Variants in KCNQ4 observed in about 807,000 individuals in gnomAD.
KCNQ4 encodes the protein potassium voltage-gated channel subfamily KQT member 4.
KCNQ4 carries 31 observed loss-of-function variants against 72.6 expected under a neutral mutation model. The ratio of observed to expected loss-of-function variants is 0.43; its 90% CI spans 0.32 to 0.58. The LOEUF is 0.58. Ranked by LOEUF, KCNQ4 falls within the 20% of genes least tolerant of loss-of-function variation. KCNQ4 has a pLI of 0.08. For synonymous variants in KCNQ4, 405 were observed against 403.7 expected (o/e 1.00, Z -0.04); for missense variants, 869 against 962.6 (o/e 0.90, Z 1.29).
At chr1:40,803,620 T>A (rs1482932338) in intron 1 of KCNQ4, among the ~76,000 whole-genome samples, 1 of 152,160 alleles carries the variant, frequency 6.6e-6, no homozygotes, top group Non-Finnish European at 1.5e-5. Context: ...CCACCTTAGC[T>A]GTGGGTCAGG....
In KCNQ4 at chr1:40,824,216, C is replaced by T. The variant is rs1242348221; in HGVS notation, c.1250C>T (p.Thr417Ile). The change falls in exon 9 of 14, where the codon ACC (threonine) becomes ATC (isoleucine). Residue 417 changes from threonine to isoleucine, a missense_variant. Thr to Ile is a moderately conservative substitution (Grantham distance 89). This residue lies in a region of KCNQ4 where 480 missense variants were observed against 501.9 expected (regional missense o/e 0.96). Coordinates refer to ENST00000347132, the MANE Select transcript of KCNQ4 (RefSeq NM_004700.4). Reference sequence around the variant, plus strand: ...CCCTCCCGTTACCCGCCCGTTGCCACCTGCCACCGGCCGGGCAGCACCTCC... The same window carrying T: ...CCCTCCCGTTACCCGCCCGTTGCCATCTGCCACCGGCCGGGCAGCACCTCC... ...GAPSRYPPVA[T>I]CHRPGSTSFC... 6.2e-7 allele frequency: 1 copy of T among 1,605,762 alleles called. No homozygotes were observed. Among genetic ancestry groups the T allele is most frequent in the Non-Finnish European group, 8.5e-7 (1 of 1,176,928 alleles).
At chr1:40,810,229 C>A (rs191977754) in intron 1 of KCNQ4, among the ~76,000 whole-genome samples, 1 of 152,182 alleles carries the variant, frequency 6.6e-6, no homozygotes, top group Non-Finnish European at 1.5e-5. Flanking sequence ...GCTGCCTCGA[C>A]GGCCACATTC....
At chr1:40,802,118 G>C (rs1036871786) in intron 1 of KCNQ4, among the ~76,000 whole-genome samples, 2 of 152,080 alleles carry the variant, frequency 1.3e-5, no homozygotes, top group Non-Finnish European at 2.9e-5. Context: ...CTGTATGGTC[G>C]GTGTGTCTTC....
chr1:40,837,762 A>T lies in KCNQ4; in HGVS notation c.1843A>T (p.Met615Leu). The T allele has an allele frequency of 4.3e-6, 7 of 1,611,714 alleles. No homozygotes were observed. The highest frequency in any genetic ancestry group is 5.9e-6 in the Non-Finnish European group (7 of 1,179,146). ...SDAEVVDEIS[M>L]MGRVVKVEKQ... Reference sequence around the variant, plus strand: ...CGCGGAGGTGGTGGATGAAATCAGCATGATGGGACGCGTGGTCAAGGTGGA... The same window carrying T: ...CGCGGAGGTGGTGGATGAAATCAGCTTGATGGGACGCGTGGTCAAGGTGGA... Residue 615 changes from methionine (M) to leucine (L), a missense_variant, in exon 13 of 14, where the codon ATG (methionine) becomes TTG (leucine). Met to Leu is a conservative substitution (Grantham distance 15, BLOSUM62 2). Transcript: ENST00000347132.
rs1647353592 is a variant in KCNQ4, at chr1:40,794,513, C to G, written c.314+10106C>G. ...TCTGTGGTCGAGTCAAGACTCAAAC[C>G]CATGTCGGCATCAGGGCCAAGCCCG... On this transcript the variant is annotated intron_variant, in intron 1 of 13. Coordinates refer to ENST00000347132, the MANE Select transcript of KCNQ4 (RefSeq NM_004700.4). This position sits in a 1 kb window ranked among gnomAD's most constrained non-coding sequence, Gnocchi z 4.2. 6.6e-6 allele frequency among the ~76,000 whole-genome samples: 1 copy of G among 152,210 alleles called. No homozygotes were observed. The highest frequency in any genetic ancestry group is 2.1e-4 in the South Asian group (1 of 4,832).
At chr1:40,819,687 A>G (rs772311542) in intron 5 of KCNQ4, among the ~76,000 whole-genome samples, 188 bp from the exon 6 acceptor site, 3 of 150,938 alleles carry the variant, frequency 2.0e-5, no homozygotes, top group Non-Finnish European at 3.0e-5. Context: ...GCACATCAAG[A>G]CCTTGTGACT....
chr1:40,834,121 G>A (rs1648740773), intron 11 of KCNQ4, among the ~76,000 whole-genome samples: 1 of 148,170 alleles, frequency 6.7e-6, no homozygotes, highest in Non-Finnish European at 1.5e-5. Flanking sequence ...CCCTCCATGT[G>A]CCCAGTGTCA....
chr1:40,829,019 T>G (rs1233228474), intron 9 of KCNQ4, among the ~76,000 whole-genome samples: 4 of 152,244 alleles, frequency 2.6e-5, no homozygotes, highest in Non-Finnish European at 5.9e-5. Flanking sequence ...CTCGAACTCC[T>G]TCCTCCATAA....
At chr1:40,837,403 C>G (rs1046644970) in intron 12 of KCNQ4, among the ~76,000 whole-genome samples, 1 of 152,246 alleles carries the variant, frequency 6.6e-6, no homozygotes, top group Non-Finnish European at 1.5e-5. Context: ...TCCTAGTCCA[C>G]TATTTCCATT....
chr1:40,827,108 C>A (rs550461106), intron 9 of KCNQ4, among the ~76,000 whole-genome samples: 41 of 152,316 alleles, frequency 2.7e-4, no homozygotes, highest in Admixed American at 5.2e-4. Flanking sequence ...CTAGCAGATG[C>A]CTGAAGGAGC....
intron 1 of KCNQ4, among the ~76,000 whole-genome samples, chr1:40,802,829 G>T (rs1404124599): frequency 1.3e-5 from 2 of 152,200 alleles, no homozygotes; most frequent in East Asian, 1.9e-4. Context: ...GCCGGACCAG[G>T]GATCATTGGT....
intron 9 of KCNQ4, among the ~76,000 whole-genome samples, chr1:40,825,210 A>G (rs1248637689): frequency 6.6e-6 from 1 of 152,180 alleles, no homozygotes; most frequent in African/African-American, 2.4e-5. Context: ...TGAACCAGCC[A>G]AATGGACATC....
intron 1 of KCNQ4, among the ~76,000 whole-genome samples, chr1:40,802,666 G>C (rs988596362): frequency 2.6e-5 from 4 of 152,150 alleles, no homozygotes; most frequent in African/African-American, 9.6e-5. Context: ...GGGCTGTGCT[G>C]GGGGAGGAGT....
At chr1:40,821,904 A>G (rs1648308685) in intron 7 of KCNQ4, among the ~76,000 whole-genome samples, 2 of 152,198 alleles carry the variant, frequency 1.3e-5, no homozygotes, top group Non-Finnish European at 2.9e-5. Context: ...CATTTAATAT[A>G]CAACTGTTCA....
Position 40,834,953 on chromosome 1 carries a change from C to T in KCNQ4, c.1614-14C>T. 1.9e-6 allele frequency: 3 copies of T among 1,612,890 alleles called. No homozygotes were observed. The highest frequency in any genetic ancestry group is 2.5e-6 in the Non-Finnish European group (3 of 1,179,268). ...TCTAACAGGACACTCCCTCTGAGCC[C>T]CCTCCCCCAACAGGATTCTCAAGTT... On this transcript the variant is annotated splice_polypyrimidine_tract_variant and intron_variant, in intron 11 of 13. Transcript: ENST00000347132.
intron 12 of KCNQ4, among the ~76,000 whole-genome samples, chr1:40,835,989 T>C (rs568763846): frequency 2.6e-5 from 4 of 151,858 alleles, no homozygotes; most frequent in African/African-American, 9.6e-5. Flanking sequence ...TGCAAAGACG[T>C]TGGTGTTCAT....
At chr1:40,791,203 ATCT>A (rs1426288553) in intron 1 of KCNQ4, among the ~76,000 whole-genome samples, 1 of 152,172 alleles carries the variant, frequency 6.6e-6, no homozygotes, top group African/African-American at 2.4e-5. Flanking sequence ...GAGCCTCGGT[ATCT>A]TCTTCTGTAA....
chr1:40,793,485 T>A (rs1647329675), intron 1 of KCNQ4, among the ~76,000 whole-genome samples: 1 of 152,148 alleles, frequency 6.6e-6, no homozygotes, highest in South Asian at 2.1e-4. Flanking sequence ...GTCACCCCTA[T>A]GATGACAGCC....
At chr1:40,836,330 C>A (rs143798693) in intron 12 of KCNQ4, among the ~76,000 whole-genome samples, 1 of 152,134 alleles carries the variant, frequency 6.6e-6, no homozygotes, top group Admixed American at 6.5e-5. Context: ...GAGGAAAAAT[C>A]GAGTTGCCAT....
Sources: gnomAD v4.1 joint callset for allele counts (sites outside exome capture counted in the v4.1 genomes callset) on GRCh38, gnomAD v4.1.1 for gene constraint, gnomAD v4.1.1 regional missense constraint, Gnocchi (gnomAD v3.1) non-coding constraint, MANE v1.5 for transcripts, NCBI Gene and HGNC (gene_info 2026-07-23, HGNC 2026-07-21) for gene names.